The following ABCA5 variants were observed in gnomAD, a reference collection of about 807,000 sequenced individuals.
ABCA5 encodes the protein ATP binding cassette subfamily A member 5, also known as cholesterol transporter ABCA5.
Under a neutral mutation model 206.0 loss-of-function variants are expected in ABCA5, and 163 were observed. The ratio of observed to expected loss-of-function variants is 0.79; its 90% CI spans 0.70 to 0.90. The LOEUF (loss-of-function observed/expected upper bound fraction) is 0.90. Among genes scored for constraint, ABCA5 ranks in the 40% least tolerant of loss-of-function variants. ABCA5 has a pLI of 0.00. For synonymous variants in ABCA5, 609 were observed against 613.8 expected (o/e 0.99, Z 0.11); for missense variants, 1,859 against 1,912.9 (o/e 0.97, Z 0.53).
At chr17:69,250,938 C>T (rs111832760) in intron 35 of ABCA5, 168 of 165,878 alleles carry the variant, frequency 1.0e-3, no homozygotes, top group African/African-American at 3.8e-3. Context: ...TCCAGGATAC[C>T]GTAGTGTTCT....
In ABCA5 at chr17:69,309,404, A is replaced by G. The variant is rs372064747; in HGVS notation, c.327T>C (p.Tyr109=). Residue 109 remains tyrosine, a synonymous_variant, in exon 4 of 39, where the codon TAT becomes TAC. Transcript: ENST00000392676. The part of the protein sequence containing the change: ...HLPDVIITEE[Y]TNEKEMLTSS... Reference sequence around the variant, plus strand: ...ATGTTAACATTTCTTTTTCATTTGTATATTCTTCAGTAATTATGACTGTAA... The same window carrying G: ...ATGTTAACATTTCTTTTTCATTTGTGTATTCTTCAGTAATTATGACTGTAA... The G allele has an allele frequency of 2.0e-5, 32 of 1,578,890 alleles. No individual in the cohort carries two copies. The highest frequency in any genetic ancestry group is 2.7e-5 in the Non-Finnish European group (31 of 1,166,772).
rs774263194 is a variant in ABCA5, at chr17:69,308,281, T to C, written c.557A>G (p.Gln186Arg). ...TATTTCTTCCTTTATCATATTTACC[T>C]GTATAATGGCAGCATCTATGGATGC... The part of the protein sequence containing the change: ...LQASIDAAII[Q>R]LKTNVSLWKE... Residue 186 changes from glutamine (Q) to arginine (R), a missense_variant and splice_region_variant, in exon 5 of 39, where the codon CAG becomes CGG. Physicochemically the swap from Gln to Arg is conservative, Grantham distance 43. Transcript: ENST00000392676. 7.6e-6 allele frequency: 12 copies of C among 1,573,806 alleles called. No homozygotes were observed. The highest frequency in any genetic ancestry group is 2.7e-5 in the African/African-American group (2 of 74,016).
chr17:69,304,602 A>G, intron 7 of ABCA5, 67 bp downstream of exon 7: 1 of 1,329,664 alleles, frequency 7.5e-7, no homozygotes, highest in Non-Finnish European at 9.9e-7. Context: ...AACTGAAGAA[A>G]AAGACTTTGC....
At chr17:69,280,370 A>G (rs2075378796) in intron 18 of ABCA5, among the ~76,000 whole-genome samples, 1 of 152,086 alleles carries the variant, frequency 6.6e-6, no homozygotes, top group African/African-American at 2.4e-5. Context: ...CAATCATTAA[A>G]AAGTCAGGAA....
At position 69,297,357 on chromosome 17, in the gene ABCA5, C is replaced by G. The variant is rs750981219; in HGVS notation, c.1270G>C (p.Glu424Gln). ...AVYLDQVIPG[E>Q]FGLRRSSLYF... ...AAAGATGATCTCCGTAAGCCAAATT[C>G]CCCTGAAAAATAAACATTAAAAAAC... Residue 424 changes from glutamate to glutamine, a missense_variant and splice_region_variant, in exon 10 of 39, where the codon GAA (glutamate) becomes CAA (glutamine). Transcript: ENST00000392676. 1.3e-6 allele frequency: 2 copies of G among 1,580,106 alleles called. No individual in the cohort carries two copies. The highest frequency in any genetic ancestry group is 1.7e-6 in the Non-Finnish European group (2 of 1,170,606).
chr17:69,291,805 G>A (rs116578697), intron 11 of ABCA5, among the ~76,000 whole-genome samples: 2,597 of 152,182 alleles, frequency 0.017, 74 homozygotes, highest in African/African-American at 0.058. Flanking sequence ...TGATGAAGCA[G>A]AAATGGCTTA....
At chr17:69,304,909 C>T (rs1243204082) in intron 6 of ABCA5, 99 bp from the exon 7 acceptor site, 11 of 1,142,934 alleles carry the variant, frequency 9.6e-6, no homozygotes, top group Non-Finnish European at 1.2e-5. Context: ...CCATTTTATT[C>T]TTAAAATTAA....
chr17:69,284,053 G>C lies in ABCA5; in HGVS notation c.2292C>G (p.Asp764Glu), dbSNP rs752090117. 2.5e-6 allele frequency: 4 copies of C among 1,586,818 alleles called. No homozygotes were observed. In the Admixed American group the frequency reaches 7.3e-5, roughly 29 times the overall value. Residue 764 changes from aspartate to glutamate, a missense_variant, in exon 18 of 39, where the codon GAC becomes GAG. Physicochemically the swap from Asp to Glu is conservative, Grantham distance 45 (BLOSUM62 2). Transcript: ENST00000392676. Reference sequence around the variant, plus strand: ...AAATGACACCCAAATTTGAATGACTGTCTAGGGCAGAAAACAAACCTAAAA... The same window carrying C: ...AAATGACACCCAAATTTGAATGACTCTCTAGGGCAGAAAACAAACCTAAAA... ...DKFSGLFSAL[D>E]SHSNLGVISY... is the part of the protein sequence containing the mutation.
Position 69,274,042 on chromosome 17 carries a change from T to C in ABCA5, c.2681A>G (p.Lys894Arg), listed in dbSNP as rs770099632. The change falls in exon 20 of 39, where the codon AAA becomes AGA. Residue 894 changes from lysine (K) to arginine (R), a missense_variant. Transcript: ENST00000392676. ...HSFKNAVVPI[K>R]LVPDLYFLKP... ...TAGAAAATATAAGTCTGGAACAAGT[T>C]TGATGGGAACCACAGCATTTTTAAA... 2 of 1,611,968 alleles carry C rather than the reference T, an allele frequency of 1.2e-6. No homozygotes were observed. The highest frequency in any genetic ancestry group is 1.7e-5 in the Admixed American group (1 of 59,632).
Position 69,306,934 on chromosome 17 carries a change from AAG to A in ABCA5, c.577_578del (p.Trp194GlufsTer7), listed in dbSNP as rs780749725. ...AIIQLKTNVS[L>X]WKELESTKAV... ...CTTTAGTTGACTCCAGCTCCTTCCA[AAG>A]AGAAACATTGGTCTTCAACTATAAT... On this transcript the variant is annotated frameshift_variant, in exon 6 of 39. Transcript: ENST00000392676. LOFTEE classifies it high-confidence loss of function. The A allele has an allele frequency of 6.4e-7, 1 of 1,555,016 alleles. No homozygotes were observed. The highest frequency in any genetic ancestry group is 1.2e-5 in the South Asian group (1 of 80,106).
Position 69,301,182 on chromosome 17 carries a change from T to C in ABCA5, c.1224A>G (p.Ile408Met). 1.9e-6 allele frequency: 3 copies of C among 1,592,018 alleles called. No homozygotes were observed. The highest frequency in any genetic ancestry group is 1.7e-6 in the Non-Finnish European group (2 of 1,173,624). ...ITIIMLTLNS[I>M]FYVLLAVYLD... ...GATAGACAGCCAAGAGGACATAGAATATACTATTAAGTGTGAGCATGATAA... is the reference window on the plus strand; with the variant it reads ...GATAGACAGCCAAGAGGACATAGAACATACTATTAAGTGTGAGCATGATAA... The change falls in exon 9 of 39, where the codon ATA becomes ATG. Residue 408 changes from isoleucine to methionine, a missense_variant. By Grantham distance (10) the Ile-to-Met change is conservative (BLOSUM62 1). Coordinates refer to ENST00000392676, the MANE Select transcript of ABCA5 (RefSeq NM_172232.4).
At chr17:69,288,719 G>GAAGAAAGAAAGAAAGAAAGAAAGA (rs147123123) in intron 14 of ABCA5, among the ~76,000 whole-genome samples, 9 of 145,186 alleles carry the variant, frequency 6.2e-5, no homozygotes, top group African/African-American at 2.0e-4. Flanking sequence ...AAAAAAAAAA[G>GAAGAAAGAAAGAAAGAAAGAAAGA]AAGAAAGAAA....
chr17:69,318,526 G>A (rs180940234), intron 1 of ABCA5, among the ~76,000 whole-genome samples: 33 of 152,148 alleles, frequency 2.2e-4, no homozygotes, highest in African/African-American at 7.9e-4. Context: ...TGGAATTAAA[G>A]ACAACTTTTA....
At chr17:69,257,222 T>G (rs1235197215) in intron 28 of ABCA5, among the ~76,000 whole-genome samples, 1 of 151,876 alleles carries the variant, frequency 6.6e-6, no homozygotes, top group African/African-American at 2.4e-5. Context: ...AATACAAAAA[T>G]TAACCAGGTG....
At chr17:69,303,517 G>A (rs528996584) in intron 7 of ABCA5, among the ~76,000 whole-genome samples, 21 of 150,370 alleles carry the variant, frequency 1.4e-4, no homozygotes, top group African/African-American at 5.1e-4. Context: ...TGTTTCTGCA[G>A]TAAGATGCAT....
chr17:69,259,346 A>G (rs1290001161), intron 28 of ABCA5, among the ~76,000 whole-genome samples: 1 of 152,072 alleles, frequency 6.6e-6, no homozygotes, highest in African/African-American at 2.4e-5. Context: ...GGCAAATCTG[A>G]TGATTTTCCA....
At chr17:69,309,007 T>C (rs988076434) in intron 4 of ABCA5, among the ~76,000 whole-genome samples, 3 of 152,118 alleles carry the variant, frequency 2.0e-5, no homozygotes, top group Non-Finnish European at 4.4e-5. Flanking sequence ...AAATGCAATT[T>C]TGCTTTATGC....
At chr17:69,267,063 C>T (rs577357194) in intron 23 of ABCA5, among the ~76,000 whole-genome samples, 51 of 151,838 alleles carry the variant, frequency 3.4e-4, no homozygotes, top group African/African-American at 1.2e-3. Context: ...TTAGTAGAGA[C>T]GGGGTTTCTC....
Position 69,245,385 on chromosome 17 carries a change from A to G in ABCA5, c.*2152T>C, listed in dbSNP as rs1052784426. The G allele has an allele frequency of 6.6e-6, 1 of 151,942 alleles. No individual in the cohort carries two copies. The highest frequency in any genetic ancestry group is 1.5e-5 in the Non-Finnish European group (1 of 67,844). 9.4% of individuals were successfully genotyped at this position (151,942 alleles called of 1,614,324 possible). On this transcript the variant is annotated 3_prime_UTR_variant, in exon 39 of 39. Coordinates refer to ENST00000392676, the MANE Select transcript of ABCA5 (RefSeq NM_172232.4). ...TATTTATTTATCTGTACTGACATAG[A>G]AAAAAGTTTTGAGATCAGTAATTTA...
Sources: gnomAD v4.1 joint callset for allele counts (sites outside exome capture counted in the v4.1 genomes callset) on GRCh38, gnomAD v4.1.1 for gene constraint, MANE v1.5 for transcripts, NCBI Gene and HGNC (gene_info 2026-07-23, HGNC 2026-07-21) for gene names.